The following NRXN1 variants were observed in gnomAD, a reference collection of about 807,000 sequenced individuals.
NRXN1 encodes neurexin 1.
NRXN1 carries 39 observed loss-of-function variants against 150.9 expected under a neutral mutation model. That is an observed-to-expected ratio of 0.26 (90% CI 0.20 to 0.34). The LOEUF (loss-of-function observed/expected upper bound fraction) is 0.34, where lower values mean the gene tolerates loss of function less well. NRXN1 is among the 10% of genes least tolerant of loss of function. The pLI, the probability that NRXN1 is intolerant of heterozygous loss-of-function variation, is 1.00. For missense variants in NRXN1, 1,815 were observed against 1,949.9 expected, an observed-to-expected ratio of 0.93 and a Z score of 1.30; for synonymous variants, 924 against 757.0, an observed-to-expected ratio of 1.22 and a Z score of -3.62.
chr2:50,605,130 C>A (rs1172962718), intron 8 of NRXN1, among the ~76,000 whole-genome samples: 1 of 152,186 alleles, frequency 6.6e-6, no homozygotes, highest in African/African-American at 2.4e-5. Flanking sequence ...GCAGAAATAT[C>A]TAATTGAGTA....
chr2:50,347,873 A>G lies in NRXN1; in HGVS notation c.3365-110903T>C. 5 of 983,652 alleles carry G rather than the reference A, an allele frequency of 5.1e-6. No homozygotes were observed. In the South Asian group the frequency reaches 2.4e-4, roughly 46 times the overall value. The allele number at this position is 983,652 out of a possible 1,614,324, so 60.9% of individuals were successfully genotyped here. On this transcript the variant is annotated intron_variant, in intron 17 of 22. Coordinates refer to ENST00000401669, the MANE Select transcript of NRXN1 (RefSeq NM_001330078.2). This position sits in a 1 kb window ranked among gnomAD's most constrained non-coding sequence, Gnocchi z 4.9. Reference sequence around the variant, plus strand: ...AGAGGACGAGCCTATGTAACGAGGGAGGCTGGTCTAGCTTCCCACGAAAAT... The same window carrying G: ...AGAGGACGAGCCTATGTAACGAGGGGGGCTGGTCTAGCTTCCCACGAAAAT...
intron 5 of NRXN1, among the ~76,000 whole-genome samples, chr2:50,888,930 T>C (rs72823548): frequency 2.5e-4 from 38 of 151,838 alleles, no homozygotes; most frequent in Admixed American, 4.6e-4. Flanking sequence ...TTTCTTATGA[T>C]TGTCACAGCA....
rs530574999 is a variant in NRXN1 at position 49,937,545 on chromosome 2, A to C, written c.4216+6159T>G. On this transcript the variant is annotated intron_variant, in intron 22 of 22. Coordinates refer to ENST00000401669, the MANE Select transcript of NRXN1 (RefSeq NM_001330078.2). ...GGACAATTAAATTTATATGGAAAAA[A>C]CATTTCCTACACCAGCACGTTGCAC... 8.5e-5 allele frequency among the ~76,000 whole-genome samples: 13 copies of C among 152,276 alleles called. 1 individual carries two copies. The East Asian group carries it at 2.5e-3, about 29-fold the overall frequency.
chr2:50,104,021 T>C (rs555659307), intron 18 of NRXN1, among the ~76,000 whole-genome samples: 2 of 152,128 alleles, frequency 1.3e-5, no homozygotes, highest in African/African-American at 4.8e-5. Flanking sequence ...CCCAAAATAA[T>C]TGATACCCTA....
chr2:50,582,646 A>G (rs1457821565), intron 8 of NRXN1, among the ~76,000 whole-genome samples: 2 of 149,292 alleles, frequency 1.3e-5, no homozygotes, highest in Non-Finnish European at 3.0e-5. Context: ...GTTCTTTATT[A>G]ACCACACTTT....
Position 50,135,929 on chromosome 2 carries a change from A to T in NRXN1, c.3547-44435T>A, listed in dbSNP as rs376753791. 3.2e-4 allele frequency among the ~76,000 whole-genome samples: 49 copies of T among 152,332 alleles called. No individual in the cohort carries two copies. The East Asian group carries it at 6.2e-3, about 19-fold the overall frequency. ...TAAAGCCTATATTTAATCTTGGTCA[A>T]TTCCATTGTCTCATTTTCATGTAGA... On this transcript the variant is annotated intron_variant, in intron 18 of 22. Transcript: ENST00000401669.
intron 2 of NRXN1, among the ~76,000 whole-genome samples, chr2:51,012,856 T>C (rs1293750469): frequency 2.0e-5 from 3 of 152,082 alleles, no homozygotes; most frequent in Non-Finnish European, 4.4e-5. Flanking sequence ...TAATTTTTTT[T>C]CTCTGGTTTT....
chr2:50,577,568 C>T (rs888000631), intron 8 of NRXN1, among the ~76,000 whole-genome samples: 6 of 151,942 alleles, frequency 3.9e-5, no homozygotes, highest in East Asian at 1.9e-4. Flanking sequence ...TTTCAACCTG[C>T]GGCCAAGGTT....
At chr2:50,664,835 A>G (rs1687799085) in intron 5 of NRXN1, among the ~76,000 whole-genome samples, 1 of 151,876 alleles carries the variant, frequency 6.6e-6, no homozygotes, top group Non-Finnish European at 1.5e-5. Flanking sequence ...TTATTTTGCA[A>G]TAAAAATGAC....
chr2:50,829,841 A>G (rs935053860), intron 5 of NRXN1, among the ~76,000 whole-genome samples: 52 of 151,932 alleles, frequency 3.4e-4, no homozygotes. Flanking sequence ...TCTTTCACAG[A>G]TTATTTTATT....
chr2:50,047,626 G>A (rs1252475615), intron 21 of NRXN1, among the ~76,000 whole-genome samples: 3 of 151,866 alleles, frequency 2.0e-5, no homozygotes, highest in East Asian at 1.9e-4. Context: ...CCTACATCTC[G>A]AATACTTTAC....
intron 17 of NRXN1, among the ~76,000 whole-genome samples, chr2:50,446,030 G>A (rs945405944): frequency 6.6e-6 from 1 of 151,588 alleles, no homozygotes; most frequent in Non-Finnish European, 1.5e-5. Flanking sequence ...TAAAGCCTAA[G>A]ATATTTATAC....
intron 5 of NRXN1, among the ~76,000 whole-genome samples, chr2:50,711,101 C>A (rs1289489479): frequency 1.3e-5 from 2 of 152,152 alleles, no homozygotes; most frequent in Non-Finnish European, 2.9e-5. Context: ...TAAGCTCTTG[C>A]ACTCTTAACC....
At chr2:50,474,247 G>C (rs1366317693) in intron 15 of NRXN1, among the ~76,000 whole-genome samples, 2 of 151,818 alleles carry the variant, frequency 1.3e-5, no homozygotes, top group Non-Finnish European at 2.9e-5. Context: ...ATATGAATCA[G>C]AAATCAAAGA....
At chr2:50,024,550 A>C (rs970503135) in intron 21 of NRXN1, among the ~76,000 whole-genome samples, 1 of 152,182 alleles carries the variant, frequency 6.6e-6, no homozygotes, top group Non-Finnish European at 1.5e-5. Context: ...TGGCTAAAGA[A>C]TTAAAGTTTG....
intron 17 of NRXN1, among the ~76,000 whole-genome samples, chr2:50,336,242 T>C (rs940755501): frequency 2.0e-5 from 3 of 152,186 alleles, no homozygotes; most frequent in African/African-American, 7.2e-5. Context: ...AAAGAATCTT[T>C]AAGAACAATG....
chr2:50,089,564 A>G (rs963165960), intron 19 of NRXN1, among the ~76,000 whole-genome samples: 1 of 152,160 alleles, frequency 6.6e-6, no homozygotes, highest in South Asian at 2.1e-4. Context: ...AGGCAGGAAG[A>G]TCACTTAAGG....
intron 5 of NRXN1, among the ~76,000 whole-genome samples, chr2:50,701,657 T>G (rs758489216): frequency 5.3e-5 from 8 of 152,160 alleles, no homozygotes; most frequent in Non-Finnish European, 1.2e-4. Context: ...TAGAATTCAT[T>G]TAATCTTCTA....
chr2:50,080,554 G>A (rs1697803575), intron 19 of NRXN1, among the ~76,000 whole-genome samples: 1 of 152,214 alleles, frequency 6.6e-6, no homozygotes, highest in East Asian at 1.9e-4. Context: ...ATGATTCACT[G>A]AGAGACCTTT....
Sources: allele counts gnomAD v4.1 joint callset (sites outside exome capture counted in the v4.1 genomes callset), GRCh38; gene constraint gnomAD v4.1.1; non-coding constraint Gnocchi (gnomAD v3.1); transcripts MANE v1.5; gene names NCBI Gene and HGNC (gene_info 2026-07-23, HGNC 2026-07-21).